The following CDKAL1 variants were observed in gnomAD, a reference collection of about 807,000 sequenced individuals.
CDKAL1 encodes the protein threonylcarbamoyladenosine tRNA methylthiotransferase.
A neutral mutation model predicts 68.2 loss-of-function variants in CDKAL1; 32 were observed. The ratio of observed to expected loss-of-function variants is 0.47; its 90% confidence interval spans 0.35 to 0.63. The LOEUF is 0.63. CDKAL1 is among the 30% of genes least tolerant of loss of function. The probability of loss-of-function intolerance (pLI) is 0.00; values close to 1 mark genes in which losing one functional copy is unlikely to be tolerated. For synonymous variants in CDKAL1, 234 were observed against 244.3 expected, an observed-to-expected ratio of 0.96 and a Z score of 0.39; for missense variants, 606 against 696.7, an observed-to-expected ratio of 0.87 and a Z score of 1.47.
chr6:20,550,991 G>A (rs1009637968), intron 4 of CDKAL1, among the ~76,000 whole-genome samples: 1 of 148,870 alleles, frequency 6.7e-6, no homozygotes, highest in Non-Finnish European at 1.5e-5. Context: ...TCAGCCTCCC[G>A]AGTAGCTGGG....
At chr6:20,997,652 T>G (rs1359672658) in intron 10 of CDKAL1, among the ~76,000 whole-genome samples, 1 of 152,134 alleles carries the variant, frequency 6.6e-6, no homozygotes, top group Non-Finnish European at 1.5e-5. Flanking sequence ...AGTATCCTGT[T>G]TATAGTAAGA....
At chr6:21,040,208 A>G (rs1769842684) in intron 11 of CDKAL1, among the ~76,000 whole-genome samples, 1 of 152,202 alleles carries the variant, frequency 6.6e-6, no homozygotes. Context: ...GCCGATTCTC[A>G]TAATACGATG....
intron 14 of CDKAL1, 69 bp from the exon 15 acceptor site, chr6:21,201,041 A>C (rs1368902077): frequency 2.2e-6 from 3 of 1,386,064 alleles, no homozygotes; most frequent in Admixed American, 4.0e-5. Context: ...TAATTCTATA[A>C]ATCTGAAACT....
At chr6:20,608,732 A>G (rs1766444498) in intron 4 of CDKAL1, among the ~76,000 whole-genome samples, 1 of 152,236 alleles carries the variant, frequency 6.6e-6, no homozygotes, top group Non-Finnish European at 1.5e-5. Flanking sequence ...AGGTCAGGAA[A>G]GAACATGATA....
intron 13 of CDKAL1, among the ~76,000 whole-genome samples, chr6:21,193,790 G>A (rs1209330591): frequency 6.6e-6 from 1 of 151,754 alleles, no homozygotes; most frequent in African/African-American, 2.4e-5. Context: ...TTCTCTTGAC[G>A]CCACCCACCA....
At chr6:21,173,856 G>A (rs1281444959) in intron 13 of CDKAL1, among the ~76,000 whole-genome samples, 1 of 152,160 alleles carries the variant, frequency 6.6e-6, no homozygotes, top group African/African-American at 2.4e-5. Flanking sequence ...TAATCCTTGA[G>A]GACAGGAGTT....
rs1020744834 is a variant in CDKAL1 at position 20,546,327 on chromosome 6, T to A, written c.-5-19T>A. The A allele has an allele frequency of 6.4e-7, 1 of 1,556,492 alleles. No individual in the cohort carries two copies. Among genetic ancestry groups the A allele is most frequent in the African/African-American group, 1.4e-5 (1 of 72,836 alleles). On this transcript the variant is annotated intron_variant, in intron 2 of 15. Coordinates refer to ENST00000274695, the MANE Select transcript of CDKAL1 (RefSeq NM_017774.3). ...CAGATTTTCATAAGTTGATTTTATT[T>A]ATAACTTTTATGTGGTAGAGAATAT...
chr6:21,187,957 T>C (rs1182670830), intron 13 of CDKAL1, among the ~76,000 whole-genome samples: 2 of 152,240 alleles, frequency 1.3e-5, no homozygotes, highest in Non-Finnish European at 2.9e-5. Flanking sequence ...AAAAAGGACA[T>C]TTCCTTATTT....
intron 4 of CDKAL1, chr6:20,559,665 G>A (rs1199096518): frequency 6.6e-6 from 1 of 152,130 alleles, no homozygotes; most frequent in Non-Finnish European, 1.5e-5. Flanking sequence ...AAACTGCTAT[G>A]GAGTGCTGAA....
At chr6:20,619,074 C>A (rs1014351050) in intron 4 of CDKAL1, among the ~76,000 whole-genome samples, 1 of 152,108 alleles carries the variant, frequency 6.6e-6, no homozygotes, top group Non-Finnish European at 1.5e-5. Context: ...TTATATTTGT[C>A]AATTGGATTC....
At chr6:21,063,613 T>C (rs148052837) in intron 11 of CDKAL1, among the ~76,000 whole-genome samples, 181 of 152,274 alleles carry the variant, frequency 1.2e-3, no homozygotes, top group Admixed American at 2.0e-3. Context: ...AAACCTTTAA[T>C]TGACATCCTC....
At chr6:21,131,612 TGA>T (rs562508901) in intron 13 of CDKAL1, among the ~76,000 whole-genome samples, 83 of 152,260 alleles carry the variant, frequency 5.5e-4, no homozygotes, top group South Asian at 8.3e-4. Flanking sequence ...ACATGTTTCA[TGA>T]GAGAGGATTA....
At chr6:20,950,995 A>G (rs1288810188) in intron 9 of CDKAL1, among the ~76,000 whole-genome samples, 3 of 151,946 alleles carry the variant, frequency 2.0e-5, no homozygotes, top group East Asian at 1.9e-4. Flanking sequence ...AAAGAAAAGA[A>G]AAGATGGAGA....
intron 8 of CDKAL1, among the ~76,000 whole-genome samples, chr6:20,804,582 T>G (rs1277901290): frequency 6.6e-6 from 1 of 152,262 alleles, no homozygotes; most frequent in Middle Eastern, 3.2e-3. Flanking sequence ...TATTTTTAAT[T>G]TTATCAGGAA....
intron 15 of CDKAL1, among the ~76,000 whole-genome samples, chr6:21,225,668 C>T (rs563783134): frequency 2.6e-5 from 4 of 152,288 alleles, no homozygotes; most frequent in Admixed American, 6.5e-5. Flanking sequence ...CCTAAGATCA[C>T]ATGGCTGTCT....
chr6:20,934,899 CA>C, intron 9 of CDKAL1, among the ~76,000 whole-genome samples: 1 of 106,158 alleles, frequency 9.4e-6, no homozygotes, highest in East Asian at 3.0e-4. Flanking sequence ...CCGCCTTATA[CA>C]TTTTTTTTTT....
At chr6:21,172,058 T>G (rs1043369949) in intron 13 of CDKAL1, among the ~76,000 whole-genome samples, 2 of 152,184 alleles carry the variant, frequency 1.3e-5, no homozygotes, top group Non-Finnish European at 2.9e-5. Flanking sequence ...TACTGATACA[T>G]ATGCAGATTT....
intron 9 of CDKAL1, among the ~76,000 whole-genome samples, chr6:20,931,777 A>G (rs1763472462): frequency 6.6e-6 from 1 of 152,186 alleles, no homozygotes; most frequent in African/African-American, 2.4e-5. Context: ...TTTGTACCTA[A>G]ATGAATAAAA....
At chr6:21,044,356 C>T (rs1195829751) in intron 11 of CDKAL1, among the ~76,000 whole-genome samples, 4 of 152,156 alleles carry the variant, frequency 2.6e-5, no homozygotes, top group Non-Finnish European at 5.9e-5. Context: ...ATTCAGTTAT[C>T]ATTGATGGGA....
Sources: allele counts gnomAD v4.1 joint callset (sites outside exome capture counted in the v4.1 genomes callset), GRCh38; gene constraint gnomAD v4.1.1; transcripts MANE v1.5; gene names NCBI Gene and HGNC (gene_info 2026-07-23, HGNC 2026-07-21).